The following CNIH3 variants were observed in gnomAD, a reference collection of about 807,000 sequenced individuals.
CNIH3 encodes the protein protein cornichon homolog 3.
CNIH3 carries 14 observed loss-of-function variants against 24.1 expected under a neutral mutation model. The observed-to-expected ratio is 0.58, with a 90% CI of 0.38 to 0.91. CNIH3 has a LOEUF of 0.91. Among genes scored for constraint, CNIH3 ranks in the 40% least tolerant of loss-of-function variants. The pLI is 0.00. For missense variants in CNIH3, 178 were observed against 196.8 expected, an observed-to-expected ratio of 0.90 and a Z score of 0.57; for synonymous variants, 68 against 73.8, an observed-to-expected ratio of 0.92 and a Z score of 0.40.
chr1:224,554,277 A>G (rs2124971701), intron 3 of CNIH3, among the ~76,000 whole-genome samples: 1 of 152,222 alleles, frequency 6.6e-6, no homozygotes, highest in South Asian at 2.1e-4. Context: ...GGAAAGACAT[A>G]AAAATGGATT....
chr1:224,597,046 G>C (rs764385108), intron 3 of CNIH3, among the ~76,000 whole-genome samples: 2 of 152,028 alleles, frequency 1.3e-5, no homozygotes, highest in Non-Finnish European at 2.9e-5. Context: ...CAGCTACTTG[G>C]GATGCTGACG....
chr1:224,545,213 G>C (rs1679657639), intron 2 of CNIH3, among the ~76,000 whole-genome samples: 1 of 152,188 alleles, frequency 6.6e-6, no homozygotes, highest in Non-Finnish European at 1.5e-5. Flanking sequence ...AGCTTTTGCT[G>C]TCCACCATAC....
At chr1:224,482,296 C>G (rs140890337) in intron 1 of CNIH3, among the ~76,000 whole-genome samples, 82 of 152,214 alleles carry the variant, frequency 5.4e-4, no homozygotes, top group African/African-American at 1.9e-3. Flanking sequence ...CTGCTTTTCT[C>G]AAGCAGAAGG....
intron 1 of CNIH3, among the ~76,000 whole-genome samples, chr1:224,445,256 T>C (rs1675107183): frequency 6.6e-6 from 1 of 152,112 alleles, no homozygotes; most frequent in Admixed American, 6.6e-5. Flanking sequence ...TTCAAATCTT[T>C]TGCTTGTTCC....
At chr1:224,618,944 T>C (rs2125063478) in intron 1 of CNIH3, among the ~76,000 whole-genome samples, 1 of 152,364 alleles carries the variant, frequency 6.6e-6, no homozygotes, top group South Asian at 2.1e-4. Context: ...GATTAGATCA[T>C]GCCCAAGCAG....
chr1:224,513,126 C>A (rs954482335), upstream of CNIH3, among the ~76,000 whole-genome samples: 1 of 152,044 alleles, frequency 6.6e-6, no homozygotes, highest in Admixed American at 6.6e-5. Flanking sequence ...CTGCCCGCAG[C>A]CTGTGTCCCT....
chr1:224,510,857 T>C (rs1361304678), intron 1 of CNIH3, among the ~76,000 whole-genome samples: 1 of 151,980 alleles, frequency 6.6e-6, no homozygotes, highest in East Asian at 1.9e-4. Context: ...TGGTAACAGG[T>C]TGTCCCCTTC....
intron 1 of CNIH3, among the ~76,000 whole-genome samples, chr1:224,663,773 T>A (rs1293575010): frequency 6.6e-6 from 1 of 152,194 alleles, no homozygotes; most frequent in Admixed American, 6.5e-5. Context: ...AGGCTGTTCT[T>A]CATAGGCAAT....
intron 1 of CNIH3, among the ~76,000 whole-genome samples, chr1:224,463,285 C>T (rs892952594): frequency 2.0e-5 from 3 of 152,208 alleles, no homozygotes; most frequent in Non-Finnish European, 2.9e-5. Flanking sequence ...CCGGTTTCTT[C>T]ATATCCTTGC....
chr1:224,514,198 T>C (rs924474979), upstream of CNIH3, among the ~76,000 whole-genome samples: 1 of 152,198 alleles, frequency 6.6e-6, no homozygotes, highest in Non-Finnish European at 1.5e-5. Context: ...GACCAAGAGG[T>C]ATAAAATGAT....
intron 3 of CNIH3, among the ~76,000 whole-genome samples, chr1:224,558,876 G>C (rs1680250735): frequency 6.6e-6 from 1 of 152,184 alleles, no homozygotes; most frequent in African/African-American, 2.4e-5. Flanking sequence ...ATCATTTTCA[G>C]CTTTTTAAAG....
intron 4 of CNIH3, among the ~76,000 whole-genome samples, chr1:224,569,382 G>A (rs754118148): frequency 2.0e-5 from 3 of 152,108 alleles, no homozygotes; most frequent in African/African-American, 7.2e-5. Flanking sequence ...ATTATATGGC[G>A]CTAGAGCATA....
At chr1:224,579,524 A>C (rs1249176312) in intron 4 of CNIH3, among the ~76,000 whole-genome samples, 1 of 152,206 alleles carries the variant, frequency 6.6e-6, no homozygotes. Context: ...AGATGGTAAA[A>C]GTCTGGCTGA....
chr1:224,452,515 C>T (rs1675445084), intron 1 of CNIH3, among the ~76,000 whole-genome samples: 1 of 151,876 alleles, frequency 6.6e-6, no homozygotes, highest in Admixed American at 6.6e-5. Context: ...GGCACGGTGG[C>T]TCACACCTGT....
chr1:224,644,646 A>G (rs532293112), intron 1 of CNIH3, among the ~76,000 whole-genome samples: 1 of 152,340 alleles, frequency 6.6e-6, no homozygotes, highest in East Asian at 1.9e-4. Flanking sequence ...GGCTGCCGCA[A>G]GCAGATGACT....
chr1:224,468,630 G>A (rs1338079105), intron 1 of CNIH3, among the ~76,000 whole-genome samples: 1 of 152,010 alleles, frequency 6.6e-6, no homozygotes, highest in East Asian at 1.9e-4. Flanking sequence ...CAATCTGTCT[G>A]CATTTATTGT....
chr1:224,632,524 G>A (rs2125080333), intron 1 of CNIH3, among the ~76,000 whole-genome samples: 1 of 152,178 alleles, frequency 6.6e-6, no homozygotes, highest in Middle Eastern at 3.4e-3. Flanking sequence ...GGTTCTAATT[G>A]CAGTGGTCAT....
chr1:224,542,024 T>G (rs952261556), downstream of CNIH3, among the ~76,000 whole-genome samples: 5 of 152,138 alleles, frequency 3.3e-5, no homozygotes, highest in African/African-American at 1.2e-4. Flanking sequence ...ACGTTGAAAC[T>G]TTTCTGCCGG....
At chr1:224,658,554 G>A (rs1395321228) in intron 1 of CNIH3, among the ~76,000 whole-genome samples, 2 of 151,684 alleles carry the variant, frequency 1.3e-5, no homozygotes, top group African/African-American at 2.4e-5. Context: ...ACAAAATAGG[G>A]TCATAGTCAC....
Sources: gnomAD v4.1 joint callset for allele counts (sites outside exome capture counted in the v4.1 genomes callset) on GRCh38, gnomAD v4.1.1 for gene constraint, MANE v1.5 for transcripts, NCBI Gene and HGNC (gene_info 2026-07-23, HGNC 2026-07-21) for gene names.